Variants in MBNL1 observed in about 807,000 individuals in gnomAD.
MBNL1 encodes muscleblind-like protein 1.
MBNL1 carries 8 observed loss-of-function variants against 42.2 expected under a neutral mutation model. That is an observed-to-expected ratio of 0.19 (90% CI 0.11 to 0.34). The LOEUF (loss-of-function observed/expected upper bound fraction) is 0.34. Ranked by LOEUF, MBNL1 falls within the 10% of genes least tolerant of loss-of-function variation. The pLI is 1.00. For synonymous variants in MBNL1, 169 were observed against 173.9 expected (o/e 0.97, Z 0.22); for missense variants, 309 against 495.3 (o/e 0.62, Z 3.57).
intron 2 of MBNL1, among the ~76,000 whole-genome samples, chr3:152,407,809 A>G (rs1048061917): frequency 1.3e-5 from 2 of 152,192 alleles, no homozygotes; most frequent in East Asian, 1.9e-4. Context: ...ATAAAAAGAA[A>G]CATAGTTACA....
intron 2 of MBNL1, among the ~76,000 whole-genome samples, chr3:152,363,998 T>C (rs1352714999): frequency 1.3e-5 from 2 of 152,192 alleles, no homozygotes; most frequent in African/African-American, 4.8e-5. Context: ...ATAACCTGTG[T>C]TGATACAGTA....
chr3:152,311,224 G>A (rs1399805326), intron 2 of MBNL1, among the ~76,000 whole-genome samples: 1 of 151,856 alleles, frequency 6.6e-6, no homozygotes, highest in Non-Finnish European at 1.5e-5. Context: ...GGTCAGGCTG[G>A]TATCAAACTC....
At chr3:152,416,775 C>A (rs756819457) in intron 3 of MBNL1, among the ~76,000 whole-genome samples, 2 of 152,158 alleles carry the variant, frequency 1.3e-5, no homozygotes, top group Non-Finnish European at 2.9e-5. Context: ...AATCCTGGGA[C>A]AAACTGTAAA....
intron 8 of MBNL1, 44 bp downstream of exon 8, chr3:152,456,405 A>G (rs776361711): frequency 6.6e-7 from 1 of 1,508,944 alleles, no homozygotes; most frequent in Admixed American, 1.7e-5. Flanking sequence ...CAACTCTAAT[A>G]GGGCTCAATC....
chr3:152,296,164 A>T (rs954628291), intron 1 of MBNL1, among the ~76,000 whole-genome samples: 4 of 152,140 alleles, frequency 2.6e-5, no homozygotes, highest in Non-Finnish European at 5.9e-5. Context: ...AGGATGGATT[A>T]AGTGCATTAG....
At chr3:152,347,781 C>A (rs1354676435) in intron 2 of MBNL1, among the ~76,000 whole-genome samples, 1 of 151,734 alleles carries the variant, frequency 6.6e-6, no homozygotes, top group African/African-American at 2.4e-5. Flanking sequence ...AGATAATGCA[C>A]AGCACAGTAC....
rs1416477971 is a variant in MBNL1 at position 152,462,517 on chromosome 3, CCAGAAGAAAAGA to C, written c.*154_*165del. 3 of 152,242 alleles carry C rather than the reference CCAGAAGAAAAGA, an allele frequency of 2.0e-5. No homozygotes were observed. Among genetic ancestry groups the C allele is most frequent in the African/African-American group, 7.2e-5 (3 of 41,546 alleles). 9.4% of individuals were successfully genotyped at this position (152,242 alleles called of 1,614,324 possible). On this transcript the variant is annotated 3_prime_UTR_variant, in exon 10 of 10. Transcript: ENST00000324210. ...AAGACATCCACATATTGCATGTTAA[CCAGAAGAAAAGA>C]CAACATTTTCCGGAAATCCACTGCA...
At chr3:152,286,529 A>T (rs1342322740) in intron 1 of MBNL1, among the ~76,000 whole-genome samples, 3 of 143,154 alleles carry the variant, frequency 2.1e-5, no homozygotes. Context: ...TTATAATATA[A>T]ATATATTTTA....
chr3:152,378,916 A>G (rs1047136479), intron 2 of MBNL1, among the ~76,000 whole-genome samples: 1 of 151,570 alleles, frequency 6.6e-6, no homozygotes, highest in African/African-American at 2.4e-5. Context: ...AGGTGTCACT[A>G]TGTTGCTCAG....
intron 2 of MBNL1, among the ~76,000 whole-genome samples, chr3:152,328,369 A>G (rs1274975569): frequency 6.6e-6 from 1 of 152,134 alleles, no homozygotes; most frequent in Non-Finnish European, 1.5e-5. Context: ...TTTATTAGGT[A>G]TGTGATACTA....
At chr3:152,412,090 C>A (rs1301208113) in intron 2 of MBNL1, among the ~76,000 whole-genome samples, 1 of 152,158 alleles carries the variant, frequency 6.6e-6, no homozygotes, top group East Asian at 1.9e-4. Context: ...TACCTTAACT[C>A]TCAAAGGAAG....
chr3:152,251,444 G>A (rs903488962), intron 2 of MBNL1, among the ~76,000 whole-genome samples: 2 of 152,078 alleles, frequency 1.3e-5, no homozygotes, highest in Non-Finnish European at 2.9e-5. Context: ...ATATTTAAGA[G>A]TAGAATACAT....
At chr3:152,424,633 A>G (rs1312741175) in intron 3 of MBNL1, among the ~76,000 whole-genome samples, 1 of 152,154 alleles carries the variant, frequency 6.6e-6, no homozygotes, top group African/African-American at 2.4e-5. Context: ...GACAATCCTA[A>G]GCGAAAAGAA....
At chr3:152,325,967 C>G (rs2079760913) in intron 2 of MBNL1, among the ~76,000 whole-genome samples, 1 of 152,070 alleles carries the variant, frequency 6.6e-6, no homozygotes, top group South Asian at 2.1e-4. Context: ...ACATTTTGCC[C>G]TTTTTGTTAC....
intron 8 of MBNL1, chr3:152,458,069 T>A: frequency 7.0e-7 from 1 of 1,430,774 alleles, no homozygotes; most frequent in Non-Finnish European, 9.9e-7. Flanking sequence ...CATGCAGAAG[T>A]TTATAGCTGG....
At chr3:152,290,901 CTG>C (rs2055549829) in intron 1 of MBNL1, among the ~76,000 whole-genome samples, 1 of 152,160 alleles carries the variant, frequency 6.6e-6, no homozygotes, top group African/African-American at 2.4e-5. Context: ...GGTTGGGTCA[CTG>C]TACCATTCTT....
intron 2 of MBNL1, chr3:152,338,701 G>T: frequency 4.1e-6 from 4 of 984,756 alleles, no homozygotes; most frequent in Non-Finnish European, 4.8e-6. Flanking sequence ...CTAGGAAGCC[G>T]TTCTAGAAGC....
chr3:152,436,888 A>C (rs1354001692), intron 4 of MBNL1, among the ~76,000 whole-genome samples: 2 of 152,116 alleles, frequency 1.3e-5, no homozygotes, highest in African/African-American at 2.4e-5. Flanking sequence ...TAAATGCTTG[A>C]TTGTAGTGCA....
intron 2 of MBNL1, among the ~76,000 whole-genome samples, chr3:152,362,918 G>A (rs2096083765): frequency 6.6e-6 from 1 of 152,140 alleles, no homozygotes; most frequent in South Asian, 2.1e-4. Flanking sequence ...AAGTTGGGGA[G>A]TATTTTATAG....
Sources: gnomAD v4.1 joint callset for allele counts (sites outside exome capture counted in the v4.1 genomes callset) on GRCh38, gnomAD v4.1.1 for gene constraint, MANE v1.5 for transcripts, NCBI Gene and HGNC (gene_info 2026-07-23, HGNC 2026-07-21) for gene names.